The following CSMD3 variants were observed in gnomAD, a reference collection of about 807,000 sequenced individuals.
CSMD3 encodes CUB and Sushi multiple domains 3, also known as CUB and sushi domain-containing protein 3.
CSMD3 carries 177 observed loss-of-function variants against 435.2 expected under a neutral mutation model. The observed-to-expected ratio is 0.41, with a 90% CI of 0.36 to 0.46. The LOEUF (loss-of-function observed/expected upper bound fraction) is 0.46. CSMD3 is among the 20% of genes least tolerant of loss of function. The probability of loss-of-function intolerance (pLI) is 0.34; values close to 1 mark genes in which losing one functional copy is unlikely to be tolerated. For synonymous variants in CSMD3, 1,656 were observed against 1,520.5 expected (o/e 1.09, Z -2.07); for missense variants, 4,265 against 4,504.6 (o/e 0.95, Z 1.52).
chr8:113,400,464 T>C (rs1358413289), intron 1 of CSMD3, among the ~76,000 whole-genome samples: 1 of 152,058 alleles, frequency 6.6e-6, no homozygotes, highest in Non-Finnish European at 1.5e-5. Flanking sequence ...GGAGTGATTA[T>C]ATTTAAAAAC....
At chr8:112,745,351 A>G (rs2077402813) in intron 13 of CSMD3, among the ~76,000 whole-genome samples, 1 of 152,150 alleles carries the variant, frequency 6.6e-6, no homozygotes, top group Non-Finnish European at 1.5e-5. Context: ...AATAGTTTCT[A>G]CTATATATCA....
intron 3 of CSMD3, among the ~76,000 whole-genome samples, chr8:113,220,708 G>A (rs903710253): frequency 6.6e-6 from 1 of 151,370 alleles, no homozygotes; most frequent in Non-Finnish European, 1.5e-5. Flanking sequence ...TTTAAGAGCA[G>A]TGAGATATTT....
intron 25 of CSMD3, among the ~76,000 whole-genome samples, chr8:112,552,998 T>A (rs1177727923): frequency 6.6e-6 from 1 of 152,106 alleles, no homozygotes; most frequent in Non-Finnish European, 1.5e-5. Flanking sequence ...ATTCCAAACA[T>A]TTTAAGATGT....
At chr8:112,344,175 C>T (rs936442946) in intron 41 of CSMD3, among the ~76,000 whole-genome samples, 1 of 152,154 alleles carries the variant, frequency 6.6e-6, no homozygotes, top group African/African-American at 2.4e-5. Flanking sequence ...AGACACCATG[C>T]CTGGCCTGGT....
At chr8:112,780,400 A>C (rs190674137) in intron 13 of CSMD3, among the ~76,000 whole-genome samples, 1 of 152,206 alleles carries the variant, frequency 6.6e-6, no homozygotes, top group Non-Finnish European at 1.5e-5. Context: ...TTGAAAGGGC[A>C]AAGTAAGGCA....
intron 7 of CSMD3, among the ~76,000 whole-genome samples, chr8:112,969,281 A>T (rs2084549112): frequency 6.6e-6 from 1 of 152,024 alleles, no homozygotes; most frequent in South Asian, 2.1e-4. Context: ...ACAATAAAAA[A>T]TTCCTGCTTC....
At chr8:113,003,467 T>A (rs2085942313) in intron 6 of CSMD3, among the ~76,000 whole-genome samples, 1 of 152,042 alleles carries the variant, frequency 6.6e-6, no homozygotes, top group Admixed American at 6.6e-5. Flanking sequence ...TGTTTTTGCT[T>A]GTCTCCTAAC....
chr8:113,430,506 G>T (rs2094665755), intron 1 of CSMD3, among the ~76,000 whole-genome samples: 1 of 152,064 alleles, frequency 6.6e-6, no homozygotes, highest in African/African-American at 2.4e-5. Flanking sequence ...CTGTAGGGTC[G>T]CTCAAATTTT....
chr8:112,391,056 A>C (rs2129733883), intron 35 of CSMD3, among the ~76,000 whole-genome samples: 1 of 152,316 alleles, frequency 6.6e-6, no homozygotes, highest in East Asian at 1.9e-4. Context: ...TATTTGTATT[A>C]TATTACTAAA....
intron 3 of CSMD3, among the ~76,000 whole-genome samples, chr8:113,228,265 A>T (rs560985438): frequency 6.6e-6 from 1 of 151,728 alleles, no homozygotes; most frequent in South Asian, 2.1e-4. Context: ...ACCTTCCCCT[A>T]TCTCTGCCTA....
chr8:112,552,663 T>C lies in CSMD3; in HGVS notation c.4292A>G (p.Tyr1431Cys). ...ESSGRILSPGYPFPYDNNLRC... is the reference protein window; with the variant it reads ...ESSGRILSPGCPFPYDNNLRC... ...CAGGTTATTGTCATATGGAAAAGGATAGCCAGGAGATAAGATTCTTCCTGA... is the reference window on the plus strand; with the variant it reads ...CAGGTTATTGTCATATGGAAAAGGACAGCCAGGAGATAAGATTCTTCCTGA... The change falls in exon 26 of 71, where the codon TAT (tyrosine) becomes TGT (cysteine). Residue 1431 changes from tyrosine to cysteine, a missense_variant. Tyr to Cys is a radical substitution (Grantham distance 194, BLOSUM62 -2). This residue lies in a region of CSMD3 where 3,255 missense variants were observed against 3,380.2 expected (regional missense o/e 0.96). Coordinates refer to ENST00000297405, the MANE Select transcript of CSMD3 (RefSeq NM_198123.2). 4 of 1,611,960 alleles carry C rather than the reference T, an allele frequency of 2.5e-6. No homozygotes were observed. The highest frequency in any genetic ancestry group is 3.4e-6 in the Non-Finnish European group (4 of 1,178,580).
At chr8:113,031,585 T>C (rs982330168) in intron 5 of CSMD3, among the ~76,000 whole-genome samples, 4 of 151,690 alleles carry the variant, frequency 2.6e-5, no homozygotes, top group Non-Finnish European at 5.9e-5. Flanking sequence ...AATTTCCCTG[T>C]ATCTTGACTA....
At chr8:112,356,460 T>C (rs1280062804) in intron 38 of CSMD3, among the ~76,000 whole-genome samples, 1 of 151,970 alleles carries the variant, frequency 6.6e-6, no homozygotes, top group Non-Finnish European at 1.5e-5. Context: ...AAATATTAAG[T>C]AGACATGTGG....
At chr8:112,409,532 C>A (rs1054388712) in intron 32 of CSMD3, among the ~76,000 whole-genome samples, 2 of 151,864 alleles carry the variant, frequency 1.3e-5, no homozygotes, top group African/African-American at 4.8e-5. Flanking sequence ...TAGCGAGATT[C>A]TTTTCAGATA....
intron 1 of CSMD3, among the ~76,000 whole-genome samples, chr8:113,340,826 G>T (rs1294434966): frequency 2.0e-5 from 3 of 150,628 alleles, no homozygotes; most frequent in African/African-American, 7.3e-5. Context: ...CTGAGATTGT[G>T]CCACTGCACT....
At chr8:113,328,063 CCAAA>C (rs1470986075) in intron 1 of CSMD3, among the ~76,000 whole-genome samples, 1 of 151,546 alleles carries the variant, frequency 6.6e-6, no homozygotes, top group Non-Finnish European at 1.5e-5. Context: ...GAAGTTGTGC[CCAAA>C]CACACACACA....
At chr8:113,233,662 C>A (rs1206147206) in intron 3 of CSMD3, among the ~76,000 whole-genome samples, 4 of 151,482 alleles carry the variant, frequency 2.6e-5, no homozygotes, top group African/African-American at 9.7e-5. Context: ...CAATCATAAG[C>A]TGTTTATAAG....
intron 31 of CSMD3, among the ~76,000 whole-genome samples, chr8:112,487,868 T>C (rs1820294421): frequency 6.6e-6 from 1 of 152,330 alleles, no homozygotes; most frequent in East Asian, 1.9e-4. Context: ...AAGAATGATA[T>C]ATGACTTCTA....
chr8:112,943,585 C>A (rs1208939892), intron 9 of CSMD3, among the ~76,000 whole-genome samples: 1 of 151,666 alleles, frequency 6.6e-6, no homozygotes, highest in Non-Finnish European at 1.5e-5. Flanking sequence ...AATTTAAGTC[C>A]TGACTAAAAG....
Sources: gnomAD v4.1 joint callset for allele counts (sites outside exome capture counted in the v4.1 genomes callset) on GRCh38, gnomAD v4.1.1 for gene constraint, gnomAD v4.1.1 regional missense constraint, MANE v1.5 for transcripts, NCBI Gene and HGNC (gene_info 2026-07-23, HGNC 2026-07-21) for gene names.